Variants in GPSM1 observed in about 807,000 individuals in gnomAD.
The protein encoded by GPSM1 is G protein signaling modulator 1, also known as G protein-signaling modulator 1.
Under a neutral mutation model 70.5 loss-of-function variants are expected in GPSM1, and 48 were observed. That is an observed-to-expected ratio of 0.68 (90% CI 0.54 to 0.87). GPSM1 has a LOEUF of 0.87. Among genes scored for constraint, GPSM1 ranks in the 40% least tolerant of loss-of-function variants. GPSM1 has a pLI of 0.00. For synonymous variants in GPSM1, 416 were observed against 430.1 expected, an observed-to-expected ratio of 0.97 and a Z score of 0.41; for missense variants, 981 against 972.6, an observed-to-expected ratio of 1.01 and a Z score of -0.11.
chr9:136,350,250 G>A (rs560753481), intron 11 of GPSM1, among the ~76,000 whole-genome samples: 55 of 152,384 alleles, frequency 3.6e-4, no homozygotes, highest in African/African-American at 1.3e-3. Context: ...CCCTGATGGG[G>A]TGCCCCTTCC....
Position 136,334,619 on chromosome 9 carries a change from G to A in GPSM1, c.241G>A (p.Glu81Lys). 1 of 1,613,004 alleles carries A rather than the reference G, an allele frequency of 6.2e-7. No individual in the cohort carries two copies. Reference protein sequence around the residue: ...QLGNAYFYLKEHGRALEYHKH... With the variant: ...QLGNAYFYLKKHGRALEYHKH... Reference sequence around the variant, plus strand: ...GGGCAACGCCTACTTCTACCTGAAGGAGCACGGCCGGGCGCTGGAATACCA... The same window carrying A: ...GGGCAACGCCTACTTCTACCTGAAGAAGCACGGCCGGGCGCTGGAATACCA... Residue 81 changes from glutamate to lysine, a missense_variant, in exon 2 of 14, where the codon GAG (glutamate) becomes AAG (lysine). Transcript: ENST00000440944.
In GPSM1 at chr9:136,337,958, A is replaced by T; in HGVS notation, c.815A>T (p.Tyr272Phe). Residue 272 changes from tyrosine (Y) to phenylalanine (F), a missense_variant, in exon 6 of 14, where the codon TAC (tyrosine) becomes TTC (phenylalanine). Physicochemically the swap from Tyr to Phe is conservative, Grantham distance 22. Coordinates refer to ENST00000440944, the MANE Select transcript of GPSM1 (RefSeq NM_001145638.3). Reference sequence around the variant, plus strand: ...CGCTTTGACGTGGCCGCCGAGTACTACAAGTAGGTGGTCCCCACAATCTCC... The same window carrying T: ...CGCTTTGACGTGGCCGCCGAGTACTTCAAGTAGGTGGTCCCCACAATCTCC... ...LGRFDVAAEY[Y>F]KKTLQLSRQL... 7 of 1,598,294 alleles carry T rather than the reference A, an allele frequency of 4.4e-6. No homozygotes were observed. Among genetic ancestry groups the T allele is most frequent in the Non-Finnish European group, 6.0e-6 (7 of 1,168,200 alleles).
In GPSM1 at chr9:136,358,331, GC is replaced by G; in HGVS notation, c.*115del. On this transcript the variant is annotated 3_prime_UTR_variant, in exon 14 of 14. Transcript: ENST00000440944. ...GCCGAGGACAGGCACTGGGCATGCA[GC>G]CCCACGGCCTCCCCGACCCAGGGCG... is the stretch of plus-strand genomic sequence containing the variant. 1 of 1,002,694 alleles carries G rather than the reference GC, an allele frequency of 1.0e-6. No individual in the cohort carries two copies. The highest frequency in any genetic ancestry group is 1.5e-6 in the Non-Finnish European group (1 of 686,380). 62.1% of individuals were successfully genotyped at this position (1,002,694 alleles called of 1,614,324 possible).
Position 136,340,895 on chromosome 9 carries a change from C to A in GPSM1, c.1109C>A (p.Thr370Lys). 6.3e-7 allele frequency: 1 copy of A among 1,575,092 alleles called. No individual in the cohort carries two copies. Among genetic ancestry groups the A allele is most frequent in the Admixed American group, 1.8e-5 (1 of 54,910 alleles). Residue 370 changes from threonine (T) to lysine (K), a missense_variant, in exon 9 of 14, where the codon ACG (threonine) becomes AAG (lysine). Transcript: ENST00000440944. The surrounding 1 kb of genome is among the most constrained non-coding windows in gnomAD (Gnocchi z 7.3). ...QEIGDRHGELTARMNVAQLQL... is the reference protein window; with the variant it reads ...QEIGDRHGELKARMNVAQLQL... ...ATCGGGGACCGCCATGGGGAGCTCA[C>A]GGCCCGCATGAACGTGGCGCAGCTG... is the stretch of plus-strand genomic sequence containing the variant.
intron 11 of GPSM1, among the ~76,000 whole-genome samples, chr9:136,350,575 G>A (rs991934486): frequency 2.6e-5 from 4 of 152,230 alleles, no homozygotes; most frequent in Non-Finnish European, 5.9e-5. Flanking sequence ...GGATGCAGCT[G>A]GGTGGCCTGT....
At chr9:136,339,338 C>T (rs986804829) in intron 7 of GPSM1, among the ~76,000 whole-genome samples, 2 of 152,230 alleles carry the variant, frequency 1.3e-5, no homozygotes, top group South Asian at 4.1e-4. Flanking sequence ...GGAGGGTGCC[C>T]GTAAGGGTGG....
At chr9:136,338,027 A>T (rs1832290479) in intron 6 of GPSM1, 66 bp downstream of exon 6, 2 of 1,037,730 alleles carry the variant, frequency 1.9e-6, no homozygotes, top group East Asian at 5.1e-5. Context: ...AGGCCAAGGA[A>T]GTGCCCGCCC....
rs782590226 is a variant in GPSM1, at chr9:136,349,734, G to A, written c.1426G>A (p.Ala476Thr). 16 of 1,579,476 alleles carry A rather than the reference G, an allele frequency of 1.0e-5. No individual in the cohort carries two copies. Among genetic ancestry groups the A allele is most frequent in the South Asian group, 7.0e-5 (6 of 86,248 alleles). Residue 476 changes from alanine to threonine, a missense_variant, in exon 11 of 14, where the codon GCC becomes ACC. By Grantham distance (58) the Ala-to-Thr change is moderately conservative (BLOSUM62 0). Transcript: ENST00000440944. ...REGSHSPLDS[A>T]DVRVHVPRTS... ...GGGCAGCCACTCCCCGCTGGACAGC[G>A]CCGACGTCCGGGTGCACGTGCCACG... is the stretch of plus-strand genomic sequence containing the variant.
intron 11 of GPSM1, among the ~76,000 whole-genome samples, chr9:136,350,434 C>A (rs1316448223): frequency 6.6e-6 from 1 of 152,224 alleles, no homozygotes; most frequent in Non-Finnish European, 1.5e-5. Context: ...GGGTGGGAAG[C>A]CCCTAAGCCA....
intron 9 of GPSM1, among the ~76,000 whole-genome samples, chr9:136,345,383 G>T (rs149050241): frequency 2.6e-5 from 4 of 152,206 alleles, no homozygotes; most frequent in Non-Finnish European, 5.9e-5. Flanking sequence ...AGCCAAGGGC[G>T]CTGGACTCAC....
chr9:136,338,729 G>T lies in GPSM1; in HGVS notation c.974+19G>T. 1 of 1,534,270 alleles carries T rather than the reference G, an allele frequency of 6.5e-7. No homozygotes were observed. Among genetic ancestry groups the T allele is most frequent in the Non-Finnish European group, 8.8e-7 (1 of 1,141,710 alleles). On this transcript the variant is annotated intron_variant, in intron 7 of 13. Coordinates refer to ENST00000440944, the MANE Select transcript of GPSM1 (RefSeq NM_001145638.3). ...CCGACAGGTGCGTGGGCGCGGACGC[G>T]GCGGGCAGACCCGGCCCGGCCCACA... is the stretch of plus-strand genomic sequence containing the variant.
intron 11 of GPSM1, among the ~76,000 whole-genome samples, chr9:136,350,340 A>C (rs1164071599): frequency 2.6e-5 from 4 of 152,136 alleles, no homozygotes; most frequent in Non-Finnish European, 5.9e-5. Flanking sequence ...GGACGAGGCC[A>C]ACACAGTCCC....
intron 11 of GPSM1, among the ~76,000 whole-genome samples, chr9:136,351,197 T>C (rs57283800): frequency 0.73 from 110,595 of 152,178 alleles, 40,357 homozygotes; most frequent in East Asian, 0.83. Context: ...ACAGCCTACC[T>C]TCCCCTCATT....
At chr9:136,350,115 C>T (rs1468094243) in intron 11 of GPSM1, among the ~76,000 whole-genome samples, 1 of 151,340 alleles carries the variant, frequency 6.6e-6, no homozygotes, top group Non-Finnish European at 1.5e-5. Flanking sequence ...TTCAGGTGGC[C>T]TCTCTCTCTG....
rs1301512510 is a variant in GPSM1, at chr9:136,342,280, C to T, written c.1207+1287C>T. On this transcript the variant is annotated intron_variant, in intron 9 of 13. Coordinates refer to ENST00000440944, the MANE Select transcript of GPSM1 (RefSeq NM_001145638.3). The surrounding 1 kb of genome is among the most constrained non-coding windows in gnomAD (Gnocchi z 5.5). ...TCGGCACTGCCACCATCTGGGACCC[C>T]AGCAGCAACTGGCAGCAGGGCTGGG... Among the ~76,000 whole-genome samples the T allele has an allele frequency of 6.6e-6, 1 of 152,156 alleles. No individual in the cohort carries two copies. The highest frequency in any genetic ancestry group is 1.5e-5 in the Non-Finnish European group (1 of 68,022).
At chr9:136,330,345 T>A (rs1443511753) in intron 1 of GPSM1, among the ~76,000 whole-genome samples, 1 of 152,060 alleles carries the variant, frequency 6.6e-6, no homozygotes, top group Non-Finnish European at 1.5e-5. Context: ...TCTGGCCACA[T>A]GGCCATGCTA....
In GPSM1 at chr9:136,341,615, G is replaced by C; in HGVS notation, c.1207+622G>C. The C allele has an allele frequency of 2.0e-6, 2 of 1,015,296 alleles. No individual in the cohort carries two copies. Among genetic ancestry groups the C allele is most frequent in the South Asian group, 3.9e-5 (1 of 25,844 alleles). 62.9% of individuals were successfully genotyped at this position (1,015,296 alleles called of 1,614,324 possible). A position where few individuals can be genotyped will look rare whatever the true frequency, so the allele number is the denominator to read the frequency against. On this transcript the variant is annotated intron_variant, in intron 9 of 13. Coordinates refer to ENST00000440944, the MANE Select transcript of GPSM1 (RefSeq NM_001145638.3). This position sits in a 1 kb window ranked among gnomAD's most constrained non-coding sequence, Gnocchi z 6.7. ...CCTGAGGTGGCTGGCAGGTGGGTGAGGGGCAGGCTTGGGGGGAGCAGCTGC... is the reference window on the plus strand; with the variant it reads ...CCTGAGGTGGCTGGCAGGTGGGTGACGGGCAGGCTTGGGGGGAGCAGCTGC...
rs1832385587 is a variant in GPSM1 at position 136,341,304 on chromosome 9, G to C, written c.1207+311G>C. On this transcript the variant is annotated intron_variant, in intron 9 of 13. Coordinates refer to ENST00000440944, the MANE Select transcript of GPSM1 (RefSeq NM_001145638.3). This position sits in a 1 kb window ranked among gnomAD's most constrained non-coding sequence, Gnocchi z 6.7. ...CCCCCTGGAGCCCTCGGTGCAGGGA[G>C]GGCTTCTGTCCTCAGACCCAAGTAG... 5 of 1,452,540 alleles carry C rather than the reference G, an allele frequency of 3.4e-6. No homozygotes were observed. Among genetic ancestry groups the C allele is most frequent in the Non-Finnish European group, 4.5e-6 (5 of 1,105,242 alleles). The allele number at this position is 1,452,540 out of a possible 1,614,324, so 90.0% of individuals were successfully genotyped here.
At chr9:136,348,623 A>G in intron 9 of GPSM1, 74 bp from the exon 10 acceptor site, 7 of 1,169,920 alleles carry the variant, frequency 6.0e-6, no homozygotes, top group Admixed American at 2.2e-5. Flanking sequence ...TTGGCCCCCC[A>G]GAGACTCTGG....
Sources: allele counts gnomAD v4.1 joint callset (sites outside exome capture counted in the v4.1 genomes callset), GRCh38; gene constraint gnomAD v4.1.1; non-coding constraint Gnocchi (gnomAD v3.1); transcripts MANE v1.5; gene names NCBI Gene and HGNC (gene_info 2026-07-23, HGNC 2026-07-21).